CCDC158: variants seen among roughly 807,000 people sequenced by gnomAD.
CCDC158 encodes coiled-coil domain-containing protein 158.
In CCDC158, 116 loss-of-function variants were observed where a neutral mutation model predicts 138.6. The ratio of observed to expected loss-of-function variants is 0.84; its 90% CI spans 0.72 to 0.98. The LOEUF is 0.98. Among genes scored for constraint, CCDC158 ranks in the 50% least tolerant of loss-of-function variants. CCDC158 has a pLI of 0.00. For synonymous variants in CCDC158, 436 were observed against 442.4 expected (o/e 0.99, Z 0.18); for missense variants, 1,265 against 1,306.1 (o/e 0.97, Z 0.48).
In CCDC158 at chr4:76,369,417, G is replaced by A. The variant is rs1458224262; in HGVS notation, c.1347+9C>T. 6.8e-6 allele frequency: 11 copies of A among 1,613,614 alleles called. No individual in the cohort carries two copies. In the South Asian group the frequency reaches 9.9e-5, roughly 14 times the overall value. On this transcript the variant is annotated intron_variant, in intron 11 of 24. Coordinates refer to ENST00000682701, the MANE Select transcript of CCDC158 (RefSeq NM_001394954.1). ...GTTTGGCGATGGCACAGCCTGTGCA[G>A]GCACTGACCTGCCGCTCCATCTGGC...
At chr4:76,318,245 T>G (rs999080474) in intron 24 of CCDC158, among the ~76,000 whole-genome samples, 5 of 152,024 alleles carry the variant, frequency 3.3e-5, no homozygotes, top group African/African-American at 1.2e-4. Context: ...TTTAAAAAGA[T>G]AAAATTATTA....
intron 3 of CCDC158, among the ~76,000 whole-genome samples, chr4:76,399,627 G>C (rs28450535): frequency 0.029 from 4,458 of 152,232 alleles, 219 homozygotes; most frequent in African/African-American, 0.1. Context: ...GAAAACGTAG[G>C]TAGGGAATAC....
At chr4:76,334,854 T>C (rs1346189193) in intron 18 of CCDC158, among the ~76,000 whole-genome samples, 1 of 152,238 alleles carries the variant, frequency 6.6e-6, no homozygotes, top group Non-Finnish European at 1.5e-5. Flanking sequence ...AAGTTACACC[T>C]GTCACACAGA....
At chr4:76,414,089 A>G (rs1431518526) in intron 1 of CCDC158, among the ~76,000 whole-genome samples, 1 of 151,972 alleles carries the variant, frequency 6.6e-6, no homozygotes, top group African/African-American at 2.4e-5. Flanking sequence ...TTGTATTTTT[A>G]GTAGAGACGG....
chr4:76,411,229 C>T (rs1729269599), intron 2 of CCDC158, among the ~76,000 whole-genome samples: 1 of 152,142 alleles, frequency 6.6e-6, no homozygotes. Flanking sequence ...GAGTGAGACT[C>T]TGTCTTTACA....
rs199969216 is a variant in CCDC158 at position 76,379,431 on chromosome 4, G to A, written c.915-27C>T. 6 of 1,412,472 alleles carry A rather than the reference G, an allele frequency of 4.2e-6. No individual in the cohort carries two copies. In the South Asian group the frequency reaches 7.9e-5, roughly 19 times the overall value. The allele number at this position is 1,412,472 out of a possible 1,614,324, so 87.5% of individuals were successfully genotyped here. ...TAAGAAGAGTTTAGAAGGGGAATAA[G>A]TGCAAATAGCAAACTAAGAATAAGA... On this transcript the variant is annotated intron_variant, in intron 8 of 24. Coordinates refer to ENST00000682701, the MANE Select transcript of CCDC158 (RefSeq NM_001394954.1).
At chr4:76,323,159 G>A in intron 24 of CCDC158, 143 bp downstream of exon 24, 5 of 581,872 alleles carry the variant, frequency 8.6e-6, no homozygotes, top group Non-Finnish European at 1.5e-5. Flanking sequence ...GCTATTAATG[G>A]TTAAGACCCT....
chr4:76,393,007 C>A (rs988369484), intron 4 of CCDC158, among the ~76,000 whole-genome samples: 8 of 151,890 alleles, frequency 5.3e-5, no homozygotes, highest in Non-Finnish European at 8.8e-5. Flanking sequence ...AGAAAGATAT[C>A]CCATGTTCAT....
At chr4:76,404,774 C>T (rs1279460458) in intron 2 of CCDC158, among the ~76,000 whole-genome samples, 1 of 151,944 alleles carries the variant, frequency 6.6e-6, no homozygotes, top group East Asian at 1.9e-4. Context: ...CCTGTAATCC[C>T]AGCACTTAGA....
At chr4:76,400,225 TA>T (rs1293267989) in intron 3 of CCDC158, among the ~76,000 whole-genome samples, 1 of 151,820 alleles carries the variant, frequency 6.6e-6, no homozygotes, top group East Asian at 1.9e-4. Flanking sequence ...TATGCAGCCA[TA>T]AAAAAGGATG....
At chr4:76,339,849 A>T (rs1460375863) in intron 18 of CCDC158, among the ~76,000 whole-genome samples, 1 of 152,222 alleles carries the variant, frequency 6.6e-6, no homozygotes, top group Non-Finnish European at 1.5e-5. Context: ...TATTAACCAC[A>T]CTAAAGTACA....
chr4:76,314,927 G>T (rs1719227372), intron 24 of CCDC158, among the ~76,000 whole-genome samples: 1 of 152,178 alleles, frequency 6.6e-6, no homozygotes, highest in South Asian at 2.1e-4. Context: ...GAGCACAGAA[G>T]CCACTACTGA....
chr4:76,339,635 A>C (rs1218116035), intron 18 of CCDC158, among the ~76,000 whole-genome samples: 1 of 152,262 alleles, frequency 6.6e-6, no homozygotes. Context: ...GAATGTTTAC[A>C]TATCAGGGAA....
intron 18 of CCDC158, among the ~76,000 whole-genome samples, chr4:76,343,750 G>A (rs556625531): frequency 3.5e-4 from 53 of 152,072 alleles, no homozygotes; most frequent in Admixed American, 3.3e-4. Context: ...ACAGTGAGCC[G>A]AGATCATGCA....
At position 76,321,764 on chromosome 4, in the gene CCDC158, TTA is replaced by T. The variant is rs1049713859; in HGVS notation, c.3277+1536_3277+1537del. Reference sequence around the variant, plus strand: ...ATATATATGTAAATATATATATTTTTTATATATATATAATAAATATATATATG... The same window carrying T: ...ATATATATGTAAATATATATATTTTTTATATATATAATAAATATATATATG... On this transcript the variant is annotated intron_variant, in intron 24 of 24. Coordinates refer to ENST00000682701, the MANE Select transcript of CCDC158 (RefSeq NM_001394954.1). Among the ~76,000 whole-genome samples the T allele has an allele frequency of 3.4e-5, 5 of 146,070 alleles. 1 individual carries two copies. Among genetic ancestry groups the T allele is most frequent in the African/African-American group, 1.2e-4 (5 of 40,118 alleles).
chr4:76,396,670 C>T (rs763772494), intron 3 of CCDC158, among the ~76,000 whole-genome samples, 184 bp from the exon 4 acceptor site: 5 of 151,842 alleles, frequency 3.3e-5, no homozygotes, highest in Non-Finnish European at 5.9e-5. Flanking sequence ...GCCACCATGC[C>T]GGGCTAATTT....
chr4:76,364,271 G>A (rs2110223287), intron 12 of CCDC158, among the ~76,000 whole-genome samples: 1 of 152,258 alleles, frequency 6.6e-6, no homozygotes, highest in Non-Finnish European at 1.5e-5. Flanking sequence ...GGTCTGGACT[G>A]CCATCACTTT....
chr4:76,314,582 C>G (rs1367986831), intron 24 of CCDC158, among the ~76,000 whole-genome samples: 3 of 152,178 alleles, frequency 2.0e-5, no homozygotes, highest in Non-Finnish European at 4.4e-5. Context: ...AGGGGGAAAT[C>G]CTGCCTCTCA....
Position 76,328,974 on chromosome 4 carries a change from G to A in CCDC158, c.2943-7C>T. 5 of 1,611,348 alleles carry A rather than the reference G, an allele frequency of 3.1e-6. No homozygotes were observed. In the South Asian group the frequency reaches 3.3e-5, roughly 11 times the overall value. The stretch of plus-strand genomic sequence containing the variant: ...GTGTAATGTGACTGGCTCTCTGGAA[G>A]CATAAGAATGGTAATGCAAGCATTC... On this transcript the variant is annotated splice_region_variant and splice_polypyrimidine_tract_variant and intron_variant, in intron 21 of 24. Coordinates refer to ENST00000682701, the MANE Select transcript of CCDC158 (RefSeq NM_001394954.1).
Sources: gnomAD v4.1 joint callset for allele counts (sites outside exome capture counted in the v4.1 genomes callset) on GRCh38, gnomAD v4.1.1 for gene constraint, MANE v1.5 for transcripts, NCBI Gene and HGNC (gene_info 2026-07-23, HGNC 2026-07-21) for gene names.